ALK: variants seen among roughly 807,000 people sequenced by gnomAD.
ALK encodes ALK tyrosine kinase receptor.
A neutral mutation model predicts 163.1 loss-of-function variants in ALK; 74 were observed. The ratio of observed to expected loss-of-function variants is 0.45; its 90% confidence interval spans 0.38 to 0.55. The LOEUF (loss-of-function observed/expected upper bound fraction) is 0.55. Ranked by LOEUF, ALK falls within the 20% of genes least tolerant of loss-of-function variation. ALK has a pLI of 0.00. For missense variants in ALK, 2,063 were observed against 2,105.3 expected (o/e 0.98, Z 0.39); for synonymous variants, 960 against 843.2 (o/e 1.14, Z -2.40).
intron 4 of ALK, among the ~76,000 whole-genome samples, chr2:29,468,020 TG>T (rs1418132549): frequency 6.6e-6 from 1 of 151,574 alleles, no homozygotes. Context: ...CAAAATTCTT[TG>T]GGGTCCTCAA....
intron 4 of ALK, among the ~76,000 whole-genome samples, chr2:29,415,265 A>C (rs1462086198): frequency 2.6e-5 from 4 of 151,746 alleles, no homozygotes; most frequent in African/African-American, 7.3e-5. Context: ...AACTATCTTC[A>C]CGATCTTCCA....
rs1297991593 is a variant in ALK at position 29,196,831 on chromosome 2, T to C, written c.4103A>G (p.His1368Arg). ...VYRIMTQCWQ[H>R]QPEDRPNFAI... ...AAAGTTGGGCCTGTCTTCAGGCTGA[T>C]GTTGCCAGCACTGAGTCATTATCCG... Residue 1368 changes from histidine (H) to arginine (R), a missense_variant, in exon 28 of 29, where the codon CAT becomes CGT. This residue lies in a region of ALK where 403 missense variants were observed against 366.2 expected (regional missense o/e 1.10). Coordinates refer to ENST00000389048, the MANE Select transcript of ALK (RefSeq NM_004304.5). The C allele has an allele frequency of 6.2e-7, 1 of 1,614,048 alleles. No individual in the cohort carries two copies. The highest frequency in any genetic ancestry group is 8.5e-7 in the Non-Finnish European group (1 of 1,179,972).
At chr2:29,896,357 C>A (rs937274340) in intron 1 of ALK, among the ~76,000 whole-genome samples, 11 of 152,100 alleles carry the variant, frequency 7.2e-5, no homozygotes, top group Non-Finnish European at 1.0e-4. Flanking sequence ...GGCTGAGTCA[C>A]GTTCATTCAT....
intron 4 of ALK, among the ~76,000 whole-genome samples, chr2:29,515,503 T>G (rs1558361294): frequency 1.3e-5 from 2 of 151,964 alleles, no homozygotes; most frequent in African/African-American, 4.8e-5. Context: ...AAGAGATGGG[T>G]AATCCTGGAT....
intron 3 of ALK, among the ~76,000 whole-genome samples, chr2:29,693,029 A>G (rs939871726): frequency 1.3e-5 from 2 of 152,196 alleles, no homozygotes; most frequent in Non-Finnish European, 2.9e-5. Flanking sequence ...AGCTGTATAC[A>G]TAGGTGGTAT....
At chr2:29,585,531 T>C (rs1674857724) in intron 3 of ALK, among the ~76,000 whole-genome samples, 1 of 152,176 alleles carries the variant, frequency 6.6e-6, no homozygotes, top group South Asian at 2.1e-4. Context: ...TTTCGCCATG[T>C]TGGTCAGACT....
chr2:29,544,169 T>G (rs1239522593), intron 3 of ALK, among the ~76,000 whole-genome samples: 1 of 151,926 alleles, frequency 6.6e-6, no homozygotes. Context: ...ACAGAAGGAG[T>G]GCAGTGTAAT....
chr2:29,432,455 C>T lies in ALK; in HGVS notation c.1155-48596G>A, dbSNP rs571476433. Among the ~76,000 whole-genome samples the T allele has an allele frequency of 3.3e-5, 5 of 152,274 alleles. No individual in the cohort carries two copies. In the South Asian group the frequency reaches 8.3e-4, roughly 25 times the overall value. On this transcript the variant is annotated intron_variant, in intron 4 of 28. Transcript: ENST00000389048. ...AACAGATGCTGGTTCCATGTTCGTACAGCCTGCAGACCCTTGAGCCAAATA... is the reference window on the plus strand; with the variant it reads ...AACAGATGCTGGTTCCATGTTCGTATAGCCTGCAGACCCTTGAGCCAAATA...
At chr2:29,205,729 C>A (rs1669293826) in intron 26 of ALK, among the ~76,000 whole-genome samples, 1 of 152,136 alleles carries the variant, frequency 6.6e-6, no homozygotes, top group Admixed American at 6.5e-5. Context: ...CTTGCGATGG[C>A]ATTTAGGGCC....
intron 4 of ALK, among the ~76,000 whole-genome samples, chr2:29,414,667 T>C (rs1299821464): frequency 1.3e-5 from 2 of 152,228 alleles, no homozygotes; most frequent in South Asian, 2.1e-4. Flanking sequence ...CTTGAGCACA[T>C]TGATTGTTTG....
chr2:29,843,105 A>G (rs1372172331), intron 1 of ALK, among the ~76,000 whole-genome samples: 2 of 152,084 alleles, frequency 1.3e-5, no homozygotes, highest in Admixed American at 6.6e-5. Flanking sequence ...TAAGAAAAAT[A>G]TTGGGGCTTG....
chr2:29,577,775 G>A (rs1026283981), intron 3 of ALK, among the ~76,000 whole-genome samples: 3 of 152,182 alleles, frequency 2.0e-5, no homozygotes, highest in Non-Finnish European at 4.4e-5. Flanking sequence ...CTCTGCTCTC[G>A]TTCTCACATG....
intron 4 of ALK, among the ~76,000 whole-genome samples, chr2:29,445,859 G>A (rs1417088766): frequency 6.6e-6 from 1 of 151,680 alleles, no homozygotes; most frequent in Non-Finnish European, 1.5e-5. Flanking sequence ...CAGCACTTTG[G>A]GAGGCCGAGG....
intron 3 of ALK, among the ~76,000 whole-genome samples, chr2:29,638,351 C>T (rs1247905041): frequency 1.3e-5 from 2 of 152,188 alleles, no homozygotes; most frequent in African/African-American, 2.4e-5. Flanking sequence ...GACTAGTATA[C>T]ACCTTCCAAG....
At chr2:29,617,816 C>A (rs1675898595) in intron 3 of ALK, among the ~76,000 whole-genome samples, 1 of 152,202 alleles carries the variant, frequency 6.6e-6, no homozygotes, top group South Asian at 2.1e-4. Context: ...AGAATAACTT[C>A]TCTAACAGTA....
intron 8 of ALK, among the ~76,000 whole-genome samples, chr2:29,308,609 AG>A (rs748319082): frequency 6.6e-5 from 10 of 152,216 alleles, no homozygotes; most frequent in Admixed American, 1.3e-4. Context: ...ACGGAACGCA[AG>A]CTTTCGTATC....
intron 3 of ALK, among the ~76,000 whole-genome samples, chr2:29,574,016 G>A (rs1208848742): frequency 6.6e-6 from 1 of 151,520 alleles, no homozygotes; most frequent in African/African-American, 2.4e-5. Flanking sequence ...CAAGTACAAA[G>A]ACCTCGAGGG....
intron 4 of ALK, among the ~76,000 whole-genome samples, chr2:29,388,895 T>G (rs1422582953): frequency 1.3e-5 from 2 of 152,204 alleles, no homozygotes; most frequent in Non-Finnish European, 2.9e-5. Flanking sequence ...CAAGAAATTA[T>G]GTTAGAACAT....
At chr2:29,556,544 A>G (rs1262121310) in intron 3 of ALK, among the ~76,000 whole-genome samples, 1 of 152,180 alleles carries the variant, frequency 6.6e-6, no homozygotes, top group African/African-American at 2.4e-5. Context: ...CTATATAAGG[A>G]CTTGAATGGT....
Sources: gnomAD v4.1 joint callset for allele counts (sites outside exome capture counted in the v4.1 genomes callset) on GRCh38, gnomAD v4.1.1 for gene constraint, gnomAD v4.1.1 regional missense constraint, MANE v1.5 for transcripts, NCBI Gene and HGNC (gene_info 2026-07-23, HGNC 2026-07-21) for gene names.